The following TMTC2 variants were observed in gnomAD, a reference collection of about 807,000 sequenced individuals.
TMTC2 encodes transmembrane O-mannosyltransferase targeting cadherins 2.
A neutral mutation model predicts 82.4 loss-of-function variants in TMTC2; 43 were observed. That is an observed-to-expected ratio of 0.52 (90% CI 0.41 to 0.67). The LOEUF is 0.67. Ranked by LOEUF, TMTC2 falls within the 30% of genes least tolerant of loss-of-function variation. The pLI, the probability that TMTC2 is intolerant of heterozygous loss-of-function variation, is 0.00. For missense variants in TMTC2, 919 were observed against 1,012.4 expected, an observed-to-expected ratio of 0.91 and a Z score of 1.25; for synonymous variants, 408 against 381.9, an observed-to-expected ratio of 1.07 and a Z score of -0.80.
chr12:82,938,869 C>CAA (rs1433704569), intron 4 of TMTC2, among the ~76,000 whole-genome samples: 1 of 152,140 alleles, frequency 6.6e-6, no homozygotes, highest in East Asian at 1.9e-4. Flanking sequence ...TGTCCTTTTC[C>CAA]TCCTCTAGTA....
At chr12:82,952,306 C>A (rs1026210778) in intron 4 of TMTC2, among the ~76,000 whole-genome samples, 1 of 152,098 alleles carries the variant, frequency 6.6e-6, no homozygotes, top group Non-Finnish European at 1.5e-5. Context: ...ATTTCATACA[C>A]CTATTACATT....
chr12:82,948,774 A>G (rs1877176610), intron 4 of TMTC2, among the ~76,000 whole-genome samples: 1 of 152,150 alleles, frequency 6.6e-6, no homozygotes, highest in African/African-American at 2.4e-5. Flanking sequence ...CATATCTGTG[A>G]TGGAATCTTG....
chr12:83,071,850 T>TG (rs1883126709), intron 11 of TMTC2, among the ~76,000 whole-genome samples: 1 of 152,176 alleles, frequency 6.6e-6, no homozygotes, highest in Non-Finnish European at 1.5e-5. Flanking sequence ...TCAGTTGTAA[T>TG]AGCTCCTGTT....
At chr12:83,041,407 A>C (rs908349973) in intron 9 of TMTC2, among the ~76,000 whole-genome samples, 7 of 152,202 alleles carry the variant, frequency 4.6e-5, no homozygotes, top group African/African-American at 1.7e-4. Flanking sequence ...CTATGGCCTA[A>C]AGTTGTAAGG....
intron 1 of TMTC2, among the ~76,000 whole-genome samples, chr12:82,747,631 G>A (rs756753996): frequency 6.6e-6 from 1 of 152,194 alleles, no homozygotes. Flanking sequence ...TGACTTACTC[G>A]TTAGGCAATA....
chr12:82,745,845 C>T (rs1180009674), intron 1 of TMTC2, among the ~76,000 whole-genome samples: 3 of 152,220 alleles, frequency 2.0e-5, no homozygotes, highest in Non-Finnish European at 4.4e-5. Context: ...ATATAATGCA[C>T]GTTTCTAACA....
intron 2 of TMTC2, among the ~76,000 whole-genome samples, chr12:82,859,941 C>T (rs745365495): frequency 6.6e-6 from 1 of 152,184 alleles, no homozygotes; most frequent in Non-Finnish European, 1.5e-5. Flanking sequence ...TTAATAAGAA[C>T]ATTGGAGATA....
intron 1 of TMTC2, among the ~76,000 whole-genome samples, chr12:82,793,875 T>C (rs1878580407): frequency 6.6e-6 from 1 of 152,164 alleles, no homozygotes; most frequent in South Asian, 2.1e-4. Flanking sequence ...CTGAACCAAT[T>C]AGCATAGCTT....
intron 1 of TMTC2, among the ~76,000 whole-genome samples, chr12:82,810,097 G>T (rs1384244982): frequency 6.6e-6 from 1 of 151,952 alleles, no homozygotes; most frequent in Non-Finnish European, 1.5e-5. Context: ...TTTTGGATAT[G>T]GAGAGAAATT....
intron 11 of TMTC2, among the ~76,000 whole-genome samples, chr12:83,106,496 T>A (rs1884401595): frequency 1.6e-5 from 2 of 126,656 alleles, no homozygotes. Context: ...CAAAACTCTG[T>A]CTCCAAAAAA....
At chr12:82,814,953 A>T (rs1868605536) in intron 1 of TMTC2, among the ~76,000 whole-genome samples, 1 of 152,098 alleles carries the variant, frequency 6.6e-6, no homozygotes, top group South Asian at 2.1e-4. Context: ...AAACTGAGTT[A>T]CATATGGAAG....
chr12:82,863,638 A>C (rs996437625), intron 2 of TMTC2, among the ~76,000 whole-genome samples: 2 of 152,196 alleles, frequency 1.3e-5, no homozygotes, highest in African/African-American at 4.8e-5. Flanking sequence ...GTTTAAGTTC[A>C]AGTTAAGTAA....
intron 4 of TMTC2, among the ~76,000 whole-genome samples, chr12:82,939,800 C>G (rs1178884561): frequency 6.6e-6 from 1 of 152,054 alleles, no homozygotes; most frequent in African/African-American, 2.4e-5. Flanking sequence ...AGGCAAACCT[C>G]TCATCCTTGT....
At chr12:82,741,345 C>T (rs1875395184) in intron 1 of TMTC2, among the ~76,000 whole-genome samples, 1 of 152,118 alleles carries the variant, frequency 6.6e-6, no homozygotes, top group African/African-American at 2.4e-5. Flanking sequence ...GAATCTTGCT[C>T]TGTTGCCCAG....
At chr12:82,836,586 A>T (rs1870053463) in intron 1 of TMTC2, among the ~76,000 whole-genome samples, 1 of 152,182 alleles carries the variant, frequency 6.6e-6, no homozygotes, top group African/African-American at 2.4e-5. Flanking sequence ...CGGAAGGAAT[A>T]CAGTCCTGCT....
chr12:82,869,121 C>A (rs1872033454), intron 2 of TMTC2, among the ~76,000 whole-genome samples: 1 of 152,078 alleles, frequency 6.6e-6, no homozygotes, highest in Non-Finnish European at 1.5e-5. Context: ...ATGATAGATA[C>A]ATGGGGCGAG....
intron 11 of TMTC2, among the ~76,000 whole-genome samples, chr12:83,117,289 A>G (rs181595095): frequency 2.2e-3 from 328 of 152,338 alleles, no homozygotes; most frequent in African/African-American, 7.7e-3. Context: ...CATCACCCTA[A>G]TACCAAAACC....
intron 9 of TMTC2, among the ~76,000 whole-genome samples, chr12:83,036,187 C>T (rs954148658): frequency 6.6e-6 from 1 of 152,052 alleles, no homozygotes; most frequent in Non-Finnish European, 1.5e-5. Flanking sequence ...CTTTTAGCCT[C>T]CTGCTCAGTA....
chr12:83,028,307 G>A (rs990725913), intron 8 of TMTC2, among the ~76,000 whole-genome samples: 10 of 152,092 alleles, frequency 6.6e-5, no homozygotes, highest in Admixed American at 6.6e-4. Flanking sequence ...CTAGGAGATA[G>A]GTTTTGTTAT....
Sources: gnomAD v4.1 joint callset for allele counts (sites outside exome capture counted in the v4.1 genomes callset) on GRCh38, gnomAD v4.1.1 for gene constraint, MANE v1.5 for transcripts, NCBI Gene and HGNC (gene_info 2026-07-23, HGNC 2026-07-21) for gene names.